Variants in TMEM8B observed in about 807,000 individuals in gnomAD.
TMEM8B encodes the protein transmembrane protein 8B, also known as nasopharyngeal carcinoma expressed 6.
TMEM8B carries 29 observed loss-of-function variants against 49.3 expected under a neutral mutation model. The ratio of observed to expected loss-of-function variants is 0.59; its 90% CI spans 0.44 to 0.80. The LOEUF (loss-of-function observed/expected upper bound fraction) is 0.80. TMEM8B is among the 30% of genes least tolerant of loss of function. TMEM8B has a pLI of 0.00. For missense variants in TMEM8B, 575 were observed against 658.5 expected (o/e 0.87, Z 1.39); for synonymous variants, 264 against 272.8 (o/e 0.97, Z 0.32).
chr9:35,845,341 C>CTAT, intron 6 of TMEM8B: 2 of 944,798 alleles, frequency 2.1e-6, no homozygotes, highest in Non-Finnish European at 2.5e-6. Context: ...TTATTATATT[C>CTAT]TATTTTATGT....
In TMEM8B at chr9:35,842,266, A is replaced by G. The variant is rs531893689; in HGVS notation, c.1310-126A>G. The G allele has an allele frequency of 3.3e-5, 23 of 694,062 alleles. No homozygotes were observed. The highest frequency in any genetic ancestry group is 3.1e-4 in the African/African-American group (17 of 55,458). 43.0% of individuals were successfully genotyped at this position (694,062 alleles called of 1,614,324 possible). On this transcript the variant is annotated intron_variant, in intron 5 of 12. Transcript: ENST00000643932. The surrounding 1 kb of genome is among the most constrained non-coding windows in gnomAD (Gnocchi z 5.6). ...CCTGGATGCCCCACACTCCCAAGGG[A>G]CATCGCATTCTAGTTCTCATCCTTC...
chr9:35,840,085 T>C (rs1256078120), intron 3 of TMEM8B, among the ~76,000 whole-genome samples: 3 of 152,192 alleles, frequency 2.0e-5, no homozygotes, highest in Non-Finnish European at 4.4e-5. Flanking sequence ...CTGTGAGGTC[T>C]GTAGGGCTCA....
Position 35,861,786 on chromosome 9 carries a change from A to G in TMEM8B, c.*7946A>G, listed in dbSNP as rs965141133. The G allele has an allele frequency of 1.3e-5, 2 of 152,238 alleles. No homozygotes were observed. The highest frequency in any genetic ancestry group is 4.8e-5 in the African/African-American group (2 of 41,430). The allele number at this position is 152,238 out of a possible 1,614,324, so 9.4% of individuals were successfully genotyped here. On this transcript the variant is annotated 3_prime_UTR_variant, in exon 13 of 13. Transcript: ENST00000643932. ...TTACTGAGGCTGGATGGAGGATGGC[A>G]TCCATCATCAGCTACAGGTGCCTCC...
intron 3 of TMEM8B, among the ~76,000 whole-genome samples, chr9:35,836,195 G>T (rs760181830): frequency 1.1e-4 from 16 of 152,344 alleles, no homozygotes; most frequent in Non-Finnish European, 1.9e-4. Context: ...GGCTGAGGTA[G>T]TGTCTCTAGG....
Position 35,854,192 on chromosome 9 carries a change from C to T in TMEM8B, c.*352C>T, listed in dbSNP as rs575563118. The T allele has an allele frequency of 9.4e-5, 28 of 298,798 alleles. No homozygotes were observed. In the South Asian group the frequency reaches 2.0e-3, roughly 21 times the overall value. 18.5% of individuals were successfully genotyped at this position (298,798 alleles called of 1,614,324 possible). A position where few individuals can be genotyped will look rare whatever the true frequency, so the allele number is the denominator to read the frequency against. ...GGGAGACAAAGCCCTGTCAGGAGCA[C>T]AGCATCTTTCCAGAGGAGGTGGAGT... On this transcript the variant is annotated 3_prime_UTR_variant, in exon 13 of 13. Coordinates refer to ENST00000643932, the MANE Select transcript of TMEM8B (RefSeq NM_001042590.4).
Position 35,842,465 on chromosome 9 carries a change from C to T in TMEM8B, c.1383C>T (p.Asn461=), listed in dbSNP as rs779211932. 6.3e-7 allele frequency: 1 copy of T among 1,588,376 alleles called. No individual in the cohort carries two copies. Among genetic ancestry groups the T allele is most frequent in the Non-Finnish European group, 8.6e-7 (1 of 1,164,276 alleles). ...TGAACATGCCCCAGTCCCTGGGCAA[C>T]CAGCCACTGCCCCCAGAACCGCCAT... ...AAMNMPQSLG[N]QPLPPEPPSL... is the part of the protein sequence containing the mutation. The change falls in exon 6 of 13, where the codon AAC becomes AAT. Residue 461 remains asparagine (N), a synonymous_variant. Transcript: ENST00000643932. The surrounding 1 kb of genome is among the most constrained non-coding windows in gnomAD (Gnocchi z 5.6).
Position 35,858,756 on chromosome 9 carries a change from A to G in TMEM8B, c.*4916A>G, listed in dbSNP as rs1832599144. ...GGCCACTGAAATGTAGGTGGAGGCA[A>G]CACAGCCACTTCTGAGTAGAAGCTT... is the stretch of plus-strand genomic sequence containing the variant. On this transcript the variant is annotated 3_prime_UTR_variant, in exon 13 of 13. Transcript: ENST00000643932. 6.6e-6 allele frequency: 1 copy of G among 152,256 alleles called. No individual in the cohort carries two copies. Among genetic ancestry groups the G allele is most frequent in the African/African-American group, 2.4e-5 (1 of 41,450 alleles). 9.4% of individuals were successfully genotyped at this position (152,256 alleles called of 1,614,324 possible). A position where few individuals can be genotyped will look rare whatever the true frequency, so the allele number is the denominator to read the frequency against.
chr9:35,835,457 A>G (rs1451178604), intron 3 of TMEM8B: 1 of 370,252 alleles, frequency 2.7e-6, no homozygotes, highest in East Asian at 4.0e-5. Flanking sequence ...CTGAAGGGAA[A>G]GTTGAGAATC....
intron 10 of TMEM8B, among the ~76,000 whole-genome samples, chr9:35,847,420 A>G (rs561971579): frequency 2.0e-5 from 3 of 152,280 alleles, no homozygotes; most frequent in Middle Eastern, 6.8e-3. Flanking sequence ...ACATTCTTCC[A>G]TGATATGAGA....
In TMEM8B at chr9:35,830,537, A is replaced by G. The variant is rs185871482; in HGVS notation, c.508+582A>G. ...AGGGCTGAAACTCGGAGGCTATTTT[A>G]CAGATGGGGAAACTGAGGCTCAGGG... On this transcript the variant is annotated intron_variant, in intron 1 of 12. Coordinates refer to ENST00000643932, the MANE Select transcript of TMEM8B (RefSeq NM_001042590.4). Among the ~76,000 whole-genome samples, 623 of 152,316 alleles carry G rather than the reference A, an allele frequency of 4.1e-3. 11 individuals carry two copies. The highest frequency in any genetic ancestry group is 1.4e-3 in the Non-Finnish European group (98 of 68,014).
chr9:35,839,832 C>G (rs918083694), intron 3 of TMEM8B, among the ~76,000 whole-genome samples: 1 of 152,212 alleles, frequency 6.6e-6, no homozygotes, highest in Non-Finnish European at 1.5e-5. Context: ...TCTGAAGGGA[C>G]CCCCTTTTTG....
chr9:35,836,744 G>A (rs1009865990), intron 3 of TMEM8B, among the ~76,000 whole-genome samples: 11 of 152,208 alleles, frequency 7.2e-5, no homozygotes, highest in Non-Finnish European at 2.9e-5. Flanking sequence ...TCTAGACATG[G>A]GAAGCGGGGC....
intron 6 of TMEM8B, among the ~76,000 whole-genome samples, chr9:35,843,999 A>G (rs1230753050): frequency 6.6e-6 from 1 of 152,186 alleles, no homozygotes; most frequent in Non-Finnish European, 1.5e-5. Context: ...CCTGGACTCA[A>G]CTGATCCGCC....
At chr9:35,834,915 A>G (rs980980089) in intron 2 of TMEM8B, 96 bp from the exon 3 acceptor site, 1 of 414,702 alleles carries the variant, frequency 2.4e-6, no homozygotes, top group African/African-American at 2.1e-5. Flanking sequence ...TATTTGTTTT[A>G]TCGGTGAAGA....
chr9:35,830,054 T>G, intron 1 of TMEM8B, 99 bp downstream of exon 1: 5 of 407,398 alleles, frequency 1.2e-5, no homozygotes, highest in Non-Finnish European at 2.2e-5. Context: ...GGGAACTAGA[T>G]CATTGGGGAG....
At chr9:35,835,244 G>A in intron 3 of TMEM8B, 26 bp downstream of exon 3, 3 of 415,080 alleles carry the variant, frequency 7.2e-6, no homozygotes, top group Non-Finnish European at 1.3e-5. Context: ...CCAGGCTCGG[G>A]GGTCCAGAAC....
intron 3 of TMEM8B, among the ~76,000 whole-genome samples, chr9:35,840,000 G>A (rs546507810): frequency 6.6e-6 from 1 of 152,268 alleles, no homozygotes; most frequent in East Asian, 1.9e-4. Context: ...TCAGTGGGAT[G>A]TCAGGGCCTG....
At chr9:35,833,411 G>C (rs1032564875) in intron 1 of TMEM8B, 1 of 976,944 alleles carries the variant, frequency 1.0e-6, no homozygotes, top group African/African-American at 1.8e-5. Context: ...GGTTTACTTT[G>C]AGAGACCTTG....
At position 35,842,584 on chromosome 9, in the gene TMEM8B, T is replaced by C. The variant is rs1831131260; in HGVS notation, c.1502T>C (p.Phe501Ser). The change falls in exon 6 of 13, where the codon TTC becomes TCC. Residue 501 changes from phenylalanine (F) to serine (S), a missense_variant. By Grantham distance (155) the Phe-to-Ser change is radical. Coordinates refer to ENST00000643932, the MANE Select transcript of TMEM8B (RefSeq NM_001042590.4). The surrounding 1 kb of genome is among the most constrained non-coding windows in gnomAD (Gnocchi z 5.6). Reference protein sequence around the residue: ...RPTLRNELDTFSVHFYIFFGP... With the variant: ...RPTLRNELDTSSVHFYIFFGP... ...ACTCTGCGCAACGAGCTGGACACCT[T>C]CTCTGTCCACTTCTACATCTTCTTT... 6.2e-7 allele frequency: 1 copy of C among 1,614,234 alleles called. No individual in the cohort carries two copies. The highest frequency in any genetic ancestry group is 8.5e-7 in the Non-Finnish European group (1 of 1,180,044).
Sources: gnomAD v4.1 joint callset for allele counts (sites outside exome capture counted in the v4.1 genomes callset) on GRCh38, gnomAD v4.1.1 for gene constraint, Gnocchi (gnomAD v3.1) non-coding constraint, MANE v1.5 for transcripts, NCBI Gene and HGNC (gene_info 2026-07-23, HGNC 2026-07-21) for gene names.